KIAA1217: variants seen among roughly 807,000 people sequenced by gnomAD.
KIAA1217 encodes the protein KIAA1217, also known as sickle tail protein homolog.
In KIAA1217, 88 loss-of-function variants were observed where a neutral mutation model predicts 163.9. The ratio of observed to expected loss-of-function variants is 0.54; its 90% CI spans 0.45 to 0.64. The LOEUF is 0.64. KIAA1217 is among the 30% of genes least tolerant of loss of function. KIAA1217 has a pLI of 0.00. For synonymous variants in KIAA1217, 903 were observed against 923.1 expected (o/e 0.98, Z 0.39); for missense variants, 2,372 against 2,475.0 (o/e 0.96, Z 0.88).
chr10:24,126,167 TTTTG>T (rs1488682809), intron 2 of KIAA1217, among the ~76,000 whole-genome samples: 3 of 152,210 alleles, frequency 2.0e-5, no homozygotes, highest in East Asian at 1.9e-4. Context: ...GTGTTGAATT[TTTTG>T]TTTGTTTTAT....
At chr10:24,288,679 G>A (rs966996549) in intron 2 of KIAA1217, among the ~76,000 whole-genome samples, 4 of 152,202 alleles carry the variant, frequency 2.6e-5, no homozygotes, top group African/African-American at 9.6e-5. Flanking sequence ...GCTGAGGCTT[G>A]AAGAGTGAGT....
intron 2 of KIAA1217, among the ~76,000 whole-genome samples, chr10:24,288,400 C>T (rs565907870): frequency 1.5e-4 from 23 of 152,336 alleles, no homozygotes; most frequent in African/African-American, 5.5e-4. Flanking sequence ...GCTAGCTGCA[C>T]CAGAGAGCAT....
At chr10:23,966,287 G>T (rs990819021) in intron 1 of KIAA1217, among the ~76,000 whole-genome samples, 4 of 152,212 alleles carry the variant, frequency 2.6e-5, no homozygotes, top group African/African-American at 9.6e-5. Flanking sequence ...CTGAGCAAAG[G>T]CTGTAAGCAT....
Position 23,977,761 on chromosome 10 carries a change from T to A in KIAA1217, c.-320-29464T>A, listed in dbSNP as rs1432840956. On this transcript the variant is annotated intron_variant, in intron 1 of 18. Coordinates refer to the KIAA1217 transcript ENST00000376462. ...TTTCTGTATTAATAGCTGCTCCCAA[T>A]GATGTTTCCCTTTTAAGTTAATGCA... Among the ~76,000 whole-genome samples, 3 of 152,192 alleles carry A rather than the reference T, an allele frequency of 2.0e-5. No individual in the cohort carries two copies. In the South Asian group the frequency reaches 6.2e-4, roughly 31 times the overall value.
intron 1 of KIAA1217, among the ~76,000 whole-genome samples, chr10:23,893,717 G>A (rs937932352): frequency 6.6e-6 from 1 of 152,004 alleles, no homozygotes; most frequent in African/African-American, 2.4e-5. Flanking sequence ...TATCCTTGAT[G>A]AACATTGATG....
intron 16 of KIAA1217, among the ~76,000 whole-genome samples, chr10:24,535,741 C>T (rs2073908449): frequency 6.6e-6 from 1 of 152,172 alleles, no homozygotes. Context: ...CTCACCACTG[C>T]ACTCCAGCGT....
intron 2 of KIAA1217, among the ~76,000 whole-genome samples, chr10:24,377,230 T>A (rs539917356): frequency 3.9e-4 from 60 of 152,112 alleles, no homozygotes; most frequent in African/African-American, 1.4e-3. Flanking sequence ...GGGTTTGGGG[T>A]TGCCTAATGA....
intron 5 of KIAA1217, 51 bp from the exon 6 acceptor site, chr10:24,473,177 T>C (rs1268791298): frequency 7.5e-7 from 1 of 1,335,484 alleles, no homozygotes; most frequent in Non-Finnish European, 1.0e-6. Context: ...GAGACTTCTC[T>C]TGAAACACGA....
chr10:24,306,786 A>G (rs533183935), intron 2 of KIAA1217, among the ~76,000 whole-genome samples: 7 of 152,372 alleles, frequency 4.6e-5, no homozygotes, highest in African/African-American at 9.6e-5. Context: ...TCAAAGGGAC[A>G]TCGTGTCTTT....
chr10:24,542,539 C>A, intron 17 of KIAA1217, 154 bp from the exon 18 acceptor site: 1 of 1,454,808 alleles, frequency 6.9e-7, no homozygotes, highest in South Asian at 1.5e-5. Context: ...CAAAGCAATC[C>A]AAGGTAAACA....
chr10:24,272,675 G>A lies in KIAA1217; in HGVS notation c.354+52766G>A, dbSNP rs184151166. The stretch of plus-strand genomic sequence containing the variant: ...ATGGATTTATTTAATAACTGACTTC[G>A]AAATTCTTTACTTCTTTCAAGGTGG... On this transcript the variant is annotated intron_variant, in intron 2 of 20. Coordinates refer to ENST00000376454, the MANE Select transcript of KIAA1217 (RefSeq NM_019590.5). Among the ~76,000 whole-genome samples the A allele has an allele frequency of 2.5e-3, 376 of 152,306 alleles. 1 individual carries two copies. The highest frequency in any genetic ancestry group is 0.014 in the Middle Eastern group (4 of 294).
At chr10:23,754,951 T>TA (rs145680259) in intron 1 of KIAA1217, among the ~76,000 whole-genome samples, 180 of 147,434 alleles carry the variant, frequency 1.2e-3, no homozygotes, top group East Asian at 2.6e-3. Context: ...GAAAAGGAAT[T>TA]AAAAAAAAAA....
chr10:24,411,140 T>C (rs1316403254), intron 3 of KIAA1217, among the ~76,000 whole-genome samples: 2 of 152,212 alleles, frequency 1.3e-5, no homozygotes, highest in African/African-American at 2.4e-5. Context: ...TGGGGACTCA[T>C]TTTAATTAAT....
At chr10:23,738,182 T>C (rs2130803847) in intron 1 of KIAA1217, among the ~76,000 whole-genome samples, 1 of 152,274 alleles carries the variant, frequency 6.6e-6, no homozygotes, top group East Asian at 1.9e-4. Flanking sequence ...TTGAAAAAAT[T>C]CTTTAAGTTT....
chr10:24,053,280 T>C (rs1411090845), intron 2 of KIAA1217, among the ~76,000 whole-genome samples: 1 of 152,160 alleles, frequency 6.6e-6, no homozygotes, highest in African/African-American at 2.4e-5. Flanking sequence ...ACTTTTGTTA[T>C]ATTTTGTATT....
chr10:23,821,471 C>A (rs1339568680), intron 1 of KIAA1217, among the ~76,000 whole-genome samples: 1 of 152,124 alleles, frequency 6.6e-6, no homozygotes, highest in East Asian at 1.9e-4. Flanking sequence ...CTAAGAGAGG[C>A]ATGGAAGCAA....
At chr10:23,898,332 T>G (rs116472262) in intron 1 of KIAA1217, among the ~76,000 whole-genome samples, 2,937 of 151,442 alleles carry the variant, frequency 0.019, 99 homozygotes, top group African/African-American at 0.065. Context: ...CACACATATA[T>G]ATAATATATA....
intron 1 of KIAA1217, among the ~76,000 whole-genome samples, chr10:23,739,069 T>C (rs1394093323): frequency 6.6e-6 from 1 of 152,164 alleles, no homozygotes; most frequent in Non-Finnish European, 1.5e-5. Context: ...TATTCACCTA[T>C]AAAAAGGAAT....
At chr10:23,763,202 G>A (rs148439567) in intron 1 of KIAA1217, among the ~76,000 whole-genome samples, 2,074 of 152,270 alleles carry the variant, frequency 0.014, 46 homozygotes, top group African/African-American at 0.045. Flanking sequence ...GTAATTTATA[G>A]ATTCAATGCT....
Sources: gnomAD v4.1 joint callset for allele counts (sites outside exome capture counted in the v4.1 genomes callset) on GRCh38, gnomAD v4.1.1 for gene constraint, MANE v1.5 for transcripts, NCBI Gene and HGNC (gene_info 2026-07-23, HGNC 2026-07-21) for gene names.